IMPA2: variants seen among roughly 807,000 people sequenced by gnomAD.
IMPA2 encodes IMP 2.
IMPA2 carries 32 observed loss-of-function variants against 35.1 expected under a neutral mutation model. The ratio of observed to expected loss-of-function variants is 0.91; its 90% CI spans 0.69 to 1.23. IMPA2 has a LOEUF of 1.23. Among genes scored for constraint, IMPA2 ranks in the 50% most tolerant of loss-of-function variants. The pLI is 0.00. For missense variants in IMPA2, 334 were observed against 387.6 expected, an observed-to-expected ratio of 0.86 and a Z score of 1.16; for synonymous variants, 135 against 160.6, an observed-to-expected ratio of 0.84 and a Z score of 1.20.
intron 1 of IMPA2, among the ~76,000 whole-genome samples, chr18:11,983,938 TCTC>T (rs1448889057): frequency 1.3e-5 from 2 of 152,076 alleles, no homozygotes; most frequent in African/African-American, 4.8e-5. Context: ...CTTTTGGAGT[TCTC>T]CTTAGTGAAG....
chr18:12,004,146 CA>C (rs1421547266), intron 2 of IMPA2, among the ~76,000 whole-genome samples: 2 of 152,212 alleles, frequency 1.3e-5, no homozygotes, highest in Non-Finnish European at 2.9e-5. Context: ...CATTGACATC[CA>C]GCTGCTTTCC....
At chr18:12,006,380 A>G (rs1352705704) in intron 2 of IMPA2, among the ~76,000 whole-genome samples, 2 of 152,212 alleles carry the variant, frequency 1.3e-5, no homozygotes, top group Admixed American at 6.5e-5. Context: ...TGGACAACTG[A>G]GAGTGGAGAG....
At chr18:12,001,730 G>A (rs1907121326) in intron 2 of IMPA2, among the ~76,000 whole-genome samples, 1 of 152,266 alleles carries the variant, frequency 6.6e-6, no homozygotes, top group African/African-American at 2.4e-5. Context: ...ATGCAGAGCA[G>A]GGGATTATAG....
At chr18:12,017,839 G>A in intron 5 of IMPA2, 1 of 337,018 alleles carries the variant, frequency 3.0e-6, no homozygotes, top group Non-Finnish European at 5.8e-6. Flanking sequence ...TGAGCCTTTT[G>A]CCTCGGCCTC....
intron 2 of IMPA2, chr18:12,008,483 G>A (rs1035212951): frequency 2.1e-6 from 1 of 472,480 alleles, no homozygotes; most frequent in Non-Finnish European, 4.3e-6. Context: ...GTCCAAGAGT[G>A]TCAAAAGCAC....
intron 1 of IMPA2, among the ~76,000 whole-genome samples, chr18:11,987,837 C>G (rs1906707975): frequency 6.6e-6 from 1 of 152,070 alleles, no homozygotes; most frequent in Non-Finnish European, 1.5e-5. Flanking sequence ...TACACTCCAC[C>G]CTGCAGTGTG....
intron 1 of IMPA2, among the ~76,000 whole-genome samples, chr18:11,985,218 G>A (rs1282812095): frequency 6.7e-6 from 1 of 148,444 alleles, no homozygotes; most frequent in Non-Finnish European, 1.5e-5. Context: ...AAGTTATTTA[G>A]AATAAGAACA....
chr18:11,982,246 C>G (rs909747058), intron 1 of IMPA2, among the ~76,000 whole-genome samples: 4 of 152,184 alleles, frequency 2.6e-5, no homozygotes, highest in Non-Finnish European at 4.4e-5. Context: ...CCGCGACGGC[C>G]ACGGACTCAG....
intron 2 of IMPA2, among the ~76,000 whole-genome samples, chr18:11,999,652 A>G (rs1038107485): frequency 6.6e-6 from 1 of 152,240 alleles, no homozygotes; most frequent in Non-Finnish European, 1.5e-5. Flanking sequence ...GCCCACCACT[A>G]GTGCTTAGTG....
chr18:12,004,624 G>A (rs762527381), intron 2 of IMPA2, among the ~76,000 whole-genome samples: 3 of 150,778 alleles, frequency 2.0e-5, no homozygotes, highest in African/African-American at 7.3e-5. Context: ...TCCGCCTCCC[G>A]GGTTCAAGCG....
At chr18:12,017,586 ATTTGT>A (rs1334929702) in intron 5 of IMPA2, 10 of 428,354 alleles carry the variant, frequency 2.3e-5, no homozygotes, top group Admixed American at 5.1e-5. Flanking sequence ...CGTATTTTTT[ATTTGT>A]TTTGTTTTGT....
In IMPA2 at chr18:12,028,040, C is replaced by T; in HGVS notation, c.491-3C>T. ...TGGTGACAGGAAATTCTTTTTATTG[C>T]AGATCTCTCAAAGGCCTTGGTTCTG... is the stretch of plus-strand genomic sequence containing the variant. On this transcript the variant is annotated splice_region_variant and splice_polypyrimidine_tract_variant and intron_variant, in intron 5 of 7. Transcript: ENST00000269159. 1.2e-6 allele frequency: 2 copies of T among 1,602,112 alleles called. No individual in the cohort carries two copies. The highest frequency in any genetic ancestry group is 1.7e-6 in the Non-Finnish European group (2 of 1,169,326).
chr18:12,028,126 C>A lies in IMPA2; in HGVS notation c.574C>A (p.Arg192=), dbSNP rs745967479. 7 of 1,613,438 alleles carry A rather than the reference C, an allele frequency of 4.3e-6. No homozygotes were observed. The highest frequency in any genetic ancestry group is 1.7e-4 in the Middle Eastern group (1 of 6,060). Residue 192 remains arginine, a synonymous_variant, in exon 6 of 8, where the codon CGG becomes AGG. Transcript: ENST00000269159. The part of the protein sequence containing the change: ...TLKLFLSNME[R]LLHAKAHGVR... ...GAAGCTGTTCCTGAGTAACATGGAG[C>A]GGCTGCTGCATGCCAAGGCGCATGG...
chr18:11,999,817 AG>A (rs984468219), intron 2 of IMPA2, among the ~76,000 whole-genome samples: 1 of 152,258 alleles, frequency 6.6e-6, no homozygotes, highest in African/African-American at 2.4e-5. Context: ...TCTTTTGTTC[AG>A]AAAAATTAAA....
chr18:12,003,970 C>T (rs953620923), intron 2 of IMPA2, among the ~76,000 whole-genome samples: 8 of 152,248 alleles, frequency 5.3e-5, no homozygotes, highest in Non-Finnish European at 7.3e-5. Flanking sequence ...GCTCAAGGGT[C>T]TAGTGTTTTT....
rs1481924035 is a variant in IMPA2, at chr18:12,010,026, CAT to C, written c.335+40_335+41del. On this transcript the variant is annotated intron_variant, in intron 3 of 7. Coordinates refer to ENST00000269159, the MANE Select transcript of IMPA2 (RefSeq NM_014214.3). This position sits in a 1 kb window ranked among gnomAD's most constrained non-coding sequence, Gnocchi z 4.8. Reference sequence around the variant, plus strand: ...GGATCGCCTCCATTGCAGGGCTTAACATGTCCTCTTCTGTGAGGTTTTGTCTT... The same window carrying C: ...GGATCGCCTCCATTGCAGGGCTTAACGTCCTCTTCTGTGAGGTTTTGTCTT... The C allele has an allele frequency of 1.1e-5, 16 of 1,462,340 alleles. No homozygotes were observed. Among genetic ancestry groups the C allele is most frequent in the Non-Finnish European group, 1.5e-5 (16 of 1,044,860 alleles). 90.6% of individuals were successfully genotyped at this position (1,462,340 alleles called of 1,614,324 possible).
chr18:11,993,285 T>G (rs1050636510), intron 1 of IMPA2, among the ~76,000 whole-genome samples: 1 of 152,244 alleles, frequency 6.6e-6, no homozygotes, highest in Non-Finnish European at 1.5e-5. Flanking sequence ...CCCACTGATG[T>G]TATGAAACTG....
intron 5 of IMPA2, chr18:12,017,740 C>T: frequency 3.0e-6 from 1 of 333,622 alleles, no homozygotes; most frequent in African/African-American, 2.3e-5. Context: ...AGGCATGCGC[C>T]ACCACATCTG....
chr18:12,000,615 A>ATTTT (rs367586917), intron 2 of IMPA2, among the ~76,000 whole-genome samples: 22 of 118,198 alleles, frequency 1.9e-4, no homozygotes, highest in African/African-American at 6.3e-4. Context: ...AGTGTTTGTG[A>ATTTT]TTTTTTTTTT....
Sources: allele counts gnomAD v4.1 joint callset (sites outside exome capture counted in the v4.1 genomes callset), GRCh38; gene constraint gnomAD v4.1.1; non-coding constraint Gnocchi (gnomAD v3.1); transcripts MANE v1.5; gene names NCBI Gene and HGNC (gene_info 2026-07-23, HGNC 2026-07-21).